Variants in LRRC1 observed in about 807,000 individuals in gnomAD.
LRRC1 encodes leucine rich repeat containing 1, also known as leucine-rich repeat-containing protein 1.
A neutral mutation model predicts 69.9 loss-of-function variants in LRRC1; 28 were observed. That is an observed-to-expected ratio of 0.40 (90% CI 0.30 to 0.55). The LOEUF is 0.55. Among genes scored for constraint, LRRC1 ranks in the 20% least tolerant of loss-of-function variants. The pLI is 0.47. For synonymous variants in LRRC1, 236 were observed against 240.2 expected (o/e 0.98, Z 0.16); for missense variants, 498 against 609.0 (o/e 0.82, Z 1.92).
intron 3 of LRRC1, 147 bp from the exon 4 acceptor site, chr6:53,882,740 A>T (rs1366364884): frequency 9.0e-6 from 5 of 557,510 alleles, no homozygotes; most frequent in African/African-American, 2.0e-5. Context: ...TATATATAGG[A>T]AGACAAGGCA....
intron 13 of LRRC1, among the ~76,000 whole-genome samples, chr6:53,921,751 A>T (rs957351574): frequency 2.6e-5 from 4 of 152,164 alleles, no homozygotes; most frequent in Admixed American, 2.0e-4. Flanking sequence ...TTTTTAAATT[A>T]TTGCCTATAG....
At chr6:53,885,472 A>G (rs1181361605) in intron 4 of LRRC1, among the ~76,000 whole-genome samples, 1 of 152,240 alleles carries the variant, frequency 6.6e-6, no homozygotes, top group Non-Finnish European at 1.5e-5. Context: ...ATTTGAAAGA[A>G]CATGGAATGG....
At chr6:53,877,504 GCT>G (rs1400931984) in intron 2 of LRRC1, among the ~76,000 whole-genome samples, 1 of 151,810 alleles carries the variant, frequency 6.6e-6, no homozygotes, top group Non-Finnish European at 1.5e-5. Context: ...CAAATTTTAT[GCT>G]CTGCTTCCCT....
At chr6:53,893,903 T>C (rs964921507) in intron 4 of LRRC1, among the ~76,000 whole-genome samples, 7 of 152,294 alleles carry the variant, frequency 4.6e-5, no homozygotes, top group African/African-American at 1.7e-4. Context: ...GTATTTTTGC[T>C]CAAGTGTTGT....
At chr6:53,838,938 T>A (rs2127415062) in intron 1 of LRRC1, among the ~76,000 whole-genome samples, 1 of 152,344 alleles carries the variant, frequency 6.6e-6, no homozygotes, top group East Asian at 1.9e-4. Context: ...AACTGCTTTT[T>A]TCTTCTTTGT....
At chr6:53,859,734 T>G (rs1472641092) in intron 2 of LRRC1, among the ~76,000 whole-genome samples, 1 of 152,164 alleles carries the variant, frequency 6.6e-6, no homozygotes, top group East Asian at 1.9e-4. Context: ...GGTTGTTGAC[T>G]TTTCCTTTAC....
chr6:53,908,008 C>G (rs1198370473), intron 10 of LRRC1, among the ~76,000 whole-genome samples: 2 of 152,028 alleles, frequency 1.3e-5, no homozygotes, highest in Non-Finnish European at 2.9e-5. Flanking sequence ...TTATTTGTGT[C>G]TTTTATTTTT....
At chr6:53,838,827 G>T (rs1765684061) in intron 1 of LRRC1, among the ~76,000 whole-genome samples, 1 of 152,004 alleles carries the variant, frequency 6.6e-6, no homozygotes, top group South Asian at 2.1e-4. Context: ...TAGCTAATTG[G>T]TAGCATTCAT....
chr6:53,906,914 C>T (rs1324995306), intron 10 of LRRC1, among the ~76,000 whole-genome samples: 2 of 152,204 alleles, frequency 1.3e-5, no homozygotes, highest in African/African-American at 2.4e-5. Flanking sequence ...CAGCTCCCAG[C>T]GTAGGAAAAT....
intron 1 of LRRC1, among the ~76,000 whole-genome samples, chr6:53,801,370 C>T (rs1422072707): frequency 6.6e-6 from 1 of 152,128 alleles, no homozygotes; most frequent in Non-Finnish European, 1.5e-5. Context: ...AAGTGTTTAC[C>T]TTATAGTTTT....
chr6:53,866,066 C>T (rs539233071), intron 2 of LRRC1, among the ~76,000 whole-genome samples: 1 of 152,148 alleles, frequency 6.6e-6, no homozygotes, highest in Admixed American at 6.5e-5. Flanking sequence ...TATTTCCTTC[C>T]TCTGGTTTGA....
intron 2 of LRRC1, among the ~76,000 whole-genome samples, chr6:53,856,579 G>A (rs1277644900): frequency 1.3e-5 from 2 of 152,184 alleles, no homozygotes; most frequent in Non-Finnish European, 2.9e-5. Context: ...TAACATGAAT[G>A]TGTGTCTGAA....
intron 2 of LRRC1, among the ~76,000 whole-genome samples, chr6:53,877,636 G>A (rs1281746213): frequency 6.6e-6 from 1 of 152,052 alleles, no homozygotes; most frequent in African/African-American, 2.4e-5. Flanking sequence ...CAAATCTCTA[G>A]GGTAGGGGCA....
At chr6:53,915,200 C>T (rs1768525391) in intron 11 of LRRC1, among the ~76,000 whole-genome samples, 1 of 152,076 alleles carries the variant, frequency 6.6e-6, no homozygotes, top group Admixed American at 6.5e-5. Context: ...GAGGCTGTCT[C>T]CTGAGTGTTG....
intron 1 of LRRC1, among the ~76,000 whole-genome samples, chr6:53,832,215 T>A (rs4640878): frequency 0.27 from 40,314 of 152,076 alleles, 5,480 homozygotes; most frequent in African/African-American, 0.29. Flanking sequence ...CAAGAGCCAT[T>A]TGTTATCCTT....
intron 13 of LRRC1, 129 bp from the exon 14 acceptor site, chr6:53,922,506 C>A: frequency 1.3e-6 from 1 of 796,312 alleles, no homozygotes; most frequent in South Asian, 2.3e-5. Context: ...CCAAAGAAAG[C>A]TTTTCCACCC....
At chr6:53,863,484 C>T (rs2127424186) in intron 2 of LRRC1, among the ~76,000 whole-genome samples, 1 of 152,314 alleles carries the variant, frequency 6.6e-6, no homozygotes, top group Non-Finnish European at 1.5e-5. Context: ...GTAGATAGGT[C>T]TCTGAAGTCT....
intron 10 of LRRC1, among the ~76,000 whole-genome samples, chr6:53,913,568 T>C (rs1768477461): frequency 6.6e-6 from 1 of 152,266 alleles, no homozygotes; most frequent in Non-Finnish European, 1.5e-5. Context: ...ATATCAGCAG[T>C]GGAAAATGAT....
At chr6:53,841,852 T>C (rs1331621907) in intron 1 of LRRC1, among the ~76,000 whole-genome samples, 3 of 152,226 alleles carry the variant, frequency 2.0e-5, no homozygotes, top group Admixed American at 6.5e-5. Flanking sequence ...AAGTTGCTCA[T>C]TAATTTTTAA....
Sources: gnomAD v4.1 joint callset for allele counts (sites outside exome capture counted in the v4.1 genomes callset) on GRCh38, gnomAD v4.1.1 for gene constraint, MANE v1.5 for transcripts, NCBI Gene and HGNC (gene_info 2026-07-23, HGNC 2026-07-21) for gene names.